The following ARHGAP18 variants were observed in gnomAD, a reference collection of about 807,000 sequenced individuals.
ARHGAP18 encodes rho GTPase-activating protein 18.
A neutral mutation model predicts 86.2 loss-of-function variants in ARHGAP18; 67 were observed. The observed-to-expected ratio is 0.78, with a 90% CI of 0.64 to 0.95. The LOEUF is 0.95. Among genes scored for constraint, ARHGAP18 ranks in the 40% least tolerant of loss-of-function variants. ARHGAP18 has a pLI of 0.00. For missense variants in ARHGAP18, 691 were observed against 780.4 expected (o/e 0.89, Z 1.37); for synonymous variants, 283 against 280.4 (o/e 1.01, Z -0.09).
rs1277763720 is a variant in ARHGAP18, at chr6:129,624,989, TTATATATGATATATATTTATATAA to T, written c.786+4340_786+4363del. Among the ~76,000 whole-genome samples the T allele has an allele frequency of 3.4e-3, 367 of 109,328 alleles. 4 individuals are homozygous for T. The highest frequency in any genetic ancestry group is 0.017 in the Middle Eastern group (4 of 236). The allele number at this position is 109,328 out of a possible 152,430, so 71.7% of individuals were successfully genotyped here. ...GATATATATTTATATATAATATATA[TTATATATGATATATATTTATATAA>T]TATATATGATATATGATATATATTT... On this transcript the variant is annotated intron_variant, in intron 5 of 14. Transcript: ENST00000368149.
At chr6:129,578,690 A>C in intron 14 of ARHGAP18, 86 bp from the exon 15 acceptor site, 1 of 1,123,798 alleles carries the variant, frequency 8.9e-7, no homozygotes, top group East Asian at 2.6e-5. Flanking sequence ...TTAACTCTTA[A>C]GTCTTGGACT....
At chr6:129,647,114 A>G (rs1342633258) in intron 1 of ARHGAP18, among the ~76,000 whole-genome samples, 1 of 152,158 alleles carries the variant, frequency 6.6e-6, no homozygotes, top group Non-Finnish European at 1.5e-5. Flanking sequence ...TTTATACTAT[A>G]ATGACAAAGA....
At chr6:129,608,504 G>T (rs1016988477) in intron 8 of ARHGAP18, among the ~76,000 whole-genome samples, 2 of 152,018 alleles carry the variant, frequency 1.3e-5, no homozygotes, top group Admixed American at 6.6e-5. Context: ...AAAACAGAAG[G>T]CTACCTCTGA....
intron 1 of ARHGAP18, among the ~76,000 whole-genome samples, chr6:129,704,772 T>C (rs201237283): frequency 3.9e-5 from 6 of 152,208 alleles, no homozygotes; most frequent in East Asian, 1.9e-4. Context: ...ACCTTTTAAA[T>C]GTGCTCTCTT....
chr6:129,599,385 A>G, intron 11 of ARHGAP18, 29 bp from the exon 12 acceptor site: 1 of 1,436,046 alleles, frequency 7.0e-7, no homozygotes, highest in East Asian at 2.6e-5. Flanking sequence ...AAGCTTAGAG[A>G]GGAAAAAGAA....
intron 1 of ARHGAP18, among the ~76,000 whole-genome samples, chr6:129,660,211 C>A (rs558377217): frequency 7.9e-5 from 12 of 152,320 alleles, no homozygotes; most frequent in African/African-American, 2.9e-4. Flanking sequence ...CTATCAAATT[C>A]CTGTTTTAGA....
chr6:129,655,498 A>C (rs1465624394), intron 1 of ARHGAP18, among the ~76,000 whole-genome samples: 1 of 151,952 alleles, frequency 6.6e-6, no homozygotes, highest in Non-Finnish European at 1.5e-5. Flanking sequence ...CAGCATCAAA[A>C]ATAGAACTTC....
chr6:129,654,163 C>T lies in ARHGAP18; in HGVS notation c.114-12145G>A, dbSNP rs548225194. On this transcript the variant is annotated intron_variant, in intron 1 of 14. Transcript: ENST00000368149. ...TGAGGCCTAACATGAATATGAGGGACGGACAAAGGTTTTACAGGAAGGGAT... is the reference window on the plus strand; with the variant it reads ...TGAGGCCTAACATGAATATGAGGGATGGACAAAGGTTTTACAGGAAGGGAT... Among the ~76,000 whole-genome samples the T allele has an allele frequency of 9.9e-5, 15 of 152,012 alleles. 1 individual carries two copies. The South Asian group carries it at 3.1e-3, about 32-fold the overall frequency.
In ARHGAP18 at chr6:129,696,132, C is replaced by T. The variant is rs112297443; in HGVS notation, c.113+13892G>A. On this transcript the variant is annotated intron_variant, in intron 1 of 14. Transcript: ENST00000368149. ...ATACTGGCAATTAATTTTTGTATAGCCTCTGGGATGTTTTTCACAGGTAAC... is the reference window on the plus strand; with the variant it reads ...ATACTGGCAATTAATTTTTGTATAGTCTCTGGGATGTTTTTCACAGGTAAC... 9.0e-3 allele frequency among the ~76,000 whole-genome samples: 1,370 copies of T among 152,166 alleles called. 17 individuals are homozygous for T. Among genetic ancestry groups the T allele is most frequent in the African/African-American group, 0.031 (1,294 of 41,494 alleles).
intron 1 of ARHGAP18, among the ~76,000 whole-genome samples, chr6:129,684,808 T>A (rs1774398711): frequency 1.3e-5 from 2 of 152,184 alleles, no homozygotes; most frequent in African/African-American, 2.4e-5. Flanking sequence ...ATAAATAAAT[T>A]ACTTAACCCG....
At chr6:129,639,688 G>T (rs889112912) in intron 2 of ARHGAP18, among the ~76,000 whole-genome samples, 2 of 152,154 alleles carry the variant, frequency 1.3e-5, no homozygotes, top group African/African-American at 2.4e-5. Context: ...GACTTCAAGA[G>T]ACATAAGCCA....
intron 8 of ARHGAP18, among the ~76,000 whole-genome samples, chr6:129,609,822 G>T (rs987342442): frequency 6.6e-6 from 1 of 152,048 alleles, no homozygotes; most frequent in African/African-American, 2.4e-5. Context: ...ATTAAAATGA[G>T]ATCACTATGT....
intron 1 of ARHGAP18, 101 bp downstream of exon 1, chr6:129,709,923 G>A (rs2114564074): frequency 1.1e-6 from 1 of 900,814 alleles, no homozygotes; most frequent in Non-Finnish European, 1.8e-6. Context: ...CAGGCTCGAC[G>A]TGCAGATGGA....
chr6:129,696,956 C>T (rs1774627046), intron 1 of ARHGAP18, among the ~76,000 whole-genome samples: 1 of 152,182 alleles, frequency 6.6e-6, no homozygotes, highest in Non-Finnish European at 1.5e-5. Flanking sequence ...GTATCCTATT[C>T]CTCCATCCTC....
At chr6:129,701,246 G>A (rs910270222) in intron 1 of ARHGAP18, among the ~76,000 whole-genome samples, 1 of 152,118 alleles carries the variant, frequency 6.6e-6, no homozygotes, top group East Asian at 1.9e-4. Flanking sequence ...TTAACTTTGC[G>A]AAGCAGGAAG....
At chr6:129,647,496 CTGTTT>C (rs902382556) in intron 1 of ARHGAP18, among the ~76,000 whole-genome samples, 3 of 152,148 alleles carry the variant, frequency 2.0e-5, no homozygotes, top group Non-Finnish European at 4.4e-5. Flanking sequence ...ATCCTAGCAC[CTGTTT>C]TGTTTTGTTT....
chr6:129,603,516 A>ATC (rs1788791667), intron 10 of ARHGAP18, among the ~76,000 whole-genome samples: 1 of 152,154 alleles, frequency 6.6e-6, no homozygotes, highest in Admixed American at 6.6e-5. Flanking sequence ...GTACCAGCAC[A>ATC]ATTACTTAGT....
chr6:129,645,706 C>A (rs988011614), intron 1 of ARHGAP18, among the ~76,000 whole-genome samples: 4 of 152,192 alleles, frequency 2.6e-5, no homozygotes, highest in African/African-American at 9.7e-5. Context: ...GAATCGCTTC[C>A]TAGCTTGCTG....
intron 1 of ARHGAP18, among the ~76,000 whole-genome samples, chr6:129,662,197 A>C (rs1479393102): frequency 1.3e-5 from 2 of 152,268 alleles, no homozygotes; most frequent in Non-Finnish European, 2.9e-5. Flanking sequence ...AGGAATAGCA[A>C]GCTGTGCTCT....
Sources: allele counts gnomAD v4.1 joint callset (sites outside exome capture counted in the v4.1 genomes callset), GRCh38; gene constraint gnomAD v4.1.1; transcripts MANE v1.5; gene names NCBI Gene and HGNC (gene_info 2026-07-23, HGNC 2026-07-21).